Variants in MECOM observed in about 807,000 individuals in gnomAD.
The protein encoded by MECOM is histone-lysine N-methyltransferase MECOM.
In MECOM, 13 loss-of-function variants were observed where a neutral mutation model predicts 116.3. The observed-to-expected ratio is 0.11, with a 90% CI of 0.07 to 0.18. MECOM has a LOEUF of 0.18. MECOM is among the 10% of genes least tolerant of loss of function. MECOM has a pLI of 1.00. For synonymous variants in MECOM, 528 were observed against 535.2 expected (o/e 0.99, Z 0.19); for missense variants, 1,299 against 1,509.0 (o/e 0.86, Z 2.31).
intron 1 of MECOM, chr3:169,484,132 A>T: frequency 4.0e-6 from 3 of 741,664 alleles, no homozygotes; most frequent in Non-Finnish European, 6.8e-6. Flanking sequence ...ACAAAAAGTG[A>T]TTCTTTTTAT....
chr3:169,540,585 CT>C (rs892644048), intron 1 of MECOM, among the ~76,000 whole-genome samples: 86 of 151,826 alleles, frequency 5.7e-4, no homozygotes, highest in African/African-American at 1.9e-3. Flanking sequence ...TATCTCTCCT[CT>C]TTTTTTTTCT....
intron 1 of MECOM, among the ~76,000 whole-genome samples, chr3:169,585,369 T>C (rs1340223529): frequency 1.3e-5 from 2 of 152,252 alleles, no homozygotes; most frequent in Non-Finnish European, 2.9e-5. Flanking sequence ...TAGCATTTAA[T>C]TTCTCTAAAA....
intron 2 of MECOM, among the ~76,000 whole-genome samples, chr3:169,183,062 A>C (rs1396923822): frequency 1.3e-5 from 2 of 152,170 alleles, no homozygotes; most frequent in African/African-American, 4.8e-5. Context: ...CTCTAAAGTG[A>C]AGATTATACT....
chr3:169,116,882 C>T, intron 7 of MECOM, 143 bp from the exon 8 acceptor site: 1 of 1,015,958 alleles, frequency 9.8e-7, no homozygotes, highest in African/African-American at 1.6e-5. Flanking sequence ...GCTCCAAACA[C>T]AGAAAACCCC....
At chr3:169,603,808 G>C (rs1307058332) in intron 1 of MECOM, among the ~76,000 whole-genome samples, 1 of 152,156 alleles carries the variant, frequency 6.6e-6, no homozygotes, top group East Asian at 1.9e-4. Flanking sequence ...CAATGGCATT[G>C]TCTAATGCCA....
chr3:169,476,629 A>G (rs1048254857), intron 1 of MECOM, among the ~76,000 whole-genome samples: 2 of 152,110 alleles, frequency 1.3e-5, no homozygotes, highest in Non-Finnish European at 2.9e-5. Context: ...TTAGTCACCT[A>G]AGCATGCCTC....
In MECOM at chr3:169,143,798, A is replaced by G; in HGVS notation, c.410T>C (p.Ile137Thr). 1 of 1,610,078 alleles carries G rather than the reference A, an allele frequency of 6.2e-7. No homozygotes were observed. Among genetic ancestry groups the G allele is most frequent in the Non-Finnish European group, 8.5e-7 (1 of 1,178,194 alleles). Residue 137 changes from isoleucine (I) to threonine (T), a missense_variant, in exon 3 of 17, where the codon ATA (isoleucine) becomes ACA (threonine). Physicochemically the swap from Ile to Thr is moderately conservative, Grantham distance 89. Around this residue, in one of 6 missense-constraint regions of MECOM, gnomAD observed 374 missense variants for 433.4 expected, o/e 0.86. Transcript: ENST00000651503. ...TCCAACATCTGGTTGACTGGCATCTATGCAGAACTTCACATTGTAAAATTC... is the reference window on the plus strand; with the variant it reads ...TCCAACATCTGGTTGACTGGCATCTGTGCAGAACTTCACATTGTAAAATTC... The part of the protein sequence containing the change: ...LDEFYNVKFC[I>T]DASQPDVGSW...
chr3:169,433,645 G>GAA (rs752632112), intron 1 of MECOM, among the ~76,000 whole-genome samples: 4 of 111,924 alleles, frequency 3.6e-5, no homozygotes, highest in African/African-American at 7.3e-5. Flanking sequence ...GAAAGAGAAA[G>GAA]AAAGAAAGAA....
At chr3:169,142,710 G>A (rs1009819651) in intron 3 of MECOM, among the ~76,000 whole-genome samples, 1 of 152,008 alleles carries the variant, frequency 6.6e-6, no homozygotes, top group East Asian at 1.9e-4. Flanking sequence ...CTGGTACGAT[G>A]CCAAAGAATA....
intron 2 of MECOM, among the ~76,000 whole-genome samples, chr3:169,327,124 T>G (rs1352579846): frequency 2.0e-5 from 3 of 152,168 alleles, no homozygotes; most frequent in Non-Finnish European, 4.4e-5. Context: ...GCTTGCCAAA[T>G]AGCCACATAT....
intron 1 of MECOM, among the ~76,000 whole-genome samples, chr3:169,646,297 G>T (rs9829892): frequency 1.5e-5 from 2 of 132,952 alleles, no homozygotes; most frequent in Admixed American, 1.5e-4. Context: ...ATCACACACC[G>T]GGGCCTGTCA....
At chr3:169,564,250 T>C (rs771169163) in intron 1 of MECOM, among the ~76,000 whole-genome samples, 4 of 152,172 alleles carry the variant, frequency 2.6e-5, no homozygotes, top group South Asian at 2.1e-4. Flanking sequence ...AAAGACTAAA[T>C]GTCACATATA....
intron 1 of MECOM, among the ~76,000 whole-genome samples, chr3:169,662,722 G>T (rs921904768): frequency 2.0e-5 from 3 of 151,962 alleles, no homozygotes; most frequent in Non-Finnish European, 4.4e-5. Context: ...CCACCCGCCC[G>T]CCCGCGCAAC....
chr3:169,158,934 A>G (rs1742414309), intron 2 of MECOM, among the ~76,000 whole-genome samples: 1 of 152,166 alleles, frequency 6.6e-6, no homozygotes, highest in South Asian at 2.1e-4. Flanking sequence ...CATGGCTCTC[A>G]TAATTCAACT....
intron 2 of MECOM, among the ~76,000 whole-genome samples, chr3:169,323,306 G>A (rs896268984): frequency 1.9e-4 from 29 of 152,120 alleles, no homozygotes; most frequent in African/African-American, 6.5e-4. Context: ...CCAGTATTGG[G>A]TGTGTGTTTC....
chr3:169,471,902 C>T (rs1376892639), intron 1 of MECOM, among the ~76,000 whole-genome samples: 1 of 152,032 alleles, frequency 6.6e-6, no homozygotes, highest in Admixed American at 6.6e-5. Flanking sequence ...TATTTATGCC[C>T]CCTTCATTTT....
Position 169,542,464 on chromosome 3 carries a change from A to T in MECOM, c.37+120872T>A, listed in dbSNP as rs1028557258. ...GCTACAACAGGGGACTCTAGGAGCCAATTTCAGTGCTTTTCTTAACTACAT... is the reference window on the plus strand; with the variant it reads ...GCTACAACAGGGGACTCTAGGAGCCTATTTCAGTGCTTTTCTTAACTACAT... On this transcript the variant is annotated intron_variant, in intron 1 of 16. Coordinates refer to ENST00000651503, the MANE Select transcript of MECOM (RefSeq NM_004991.4). Among the ~76,000 whole-genome samples, 17 of 152,336 alleles carry T rather than the reference A, an allele frequency of 1.1e-4. No homozygotes were observed. In the East Asian group the frequency reaches 3.3e-3, roughly 29 times the overall value.
intron 1 of MECOM, among the ~76,000 whole-genome samples, chr3:169,468,554 A>C (rs902356834): frequency 6.6e-6 from 1 of 152,224 alleles, no homozygotes; most frequent in Admixed American, 6.5e-5. Flanking sequence ...TGTTGAATGA[A>C]TGAATCCATT....
At chr3:169,260,800 C>T (rs1757440938) in intron 2 of MECOM, among the ~76,000 whole-genome samples, 1 of 152,186 alleles carries the variant, frequency 6.6e-6, no homozygotes, top group South Asian at 2.1e-4. Flanking sequence ...AAATATTTAT[C>T]CCTAAAGTTC....
Sources: gnomAD v4.1 joint callset for allele counts (sites outside exome capture counted in the v4.1 genomes callset) on GRCh38, gnomAD v4.1.1 for gene constraint, gnomAD v4.1.1 regional missense constraint, MANE v1.5 for transcripts, NCBI Gene and HGNC (gene_info 2026-07-23, HGNC 2026-07-21) for gene names.